Variants in MRTFB observed in about 807,000 individuals in gnomAD.
The protein encoded by MRTFB is myocardin related transcription factor B.
In MRTFB, 29 loss-of-function variants were observed where a neutral mutation model predicts 104.2. That is an observed-to-expected ratio of 0.28 (90% CI 0.21 to 0.38). MRTFB has a LOEUF of 0.38. MRTFB is among the 10% of genes least tolerant of loss of function. The pLI, the probability that MRTFB is intolerant of heterozygous loss-of-function variation, is 1.00. For missense variants in MRTFB, 1,270 were observed against 1,341.6 expected (o/e 0.95, Z 0.83); for synonymous variants, 535 against 519.5 (o/e 1.03, Z -0.41).
intron 2 of MRTFB, among the ~76,000 whole-genome samples, chr16:14,135,811 T>C (rs1258723791): frequency 6.6e-6 from 1 of 152,218 alleles, no homozygotes; most frequent in Non-Finnish European, 1.5e-5. Context: ...CCACTCTGTG[T>C]CATGCCCTCT....
chr16:14,062,966 C>T, the MRTFB span, among the ~76,000 whole-genome samples: 3 of 152,208 alleles, frequency 2.0e-5, no homozygotes, highest in South Asian at 6.2e-4. Flanking sequence ...GGGGTGCCTC[C>T]AGGTGACAGG....
At chr16:13,997,792 C>CAAAAAAAAAAAAAA in the MRTFB span, among the ~76,000 whole-genome samples, 1 of 90,766 alleles carries the variant, frequency 1.1e-5, no homozygotes, top group Non-Finnish European at 2.1e-5. Flanking sequence ...GACCCTATCT[C>CAAAAAAAAAAAAAA]AAAAAAAAAA....
the MRTFB span, among the ~76,000 whole-genome samples, chr16:14,045,398 C>G: frequency 6.6e-6 from 1 of 152,178 alleles, no homozygotes; most frequent in Admixed American, 6.5e-5. Flanking sequence ...TTTCTACACT[C>G]TCCACTCCAC....
the MRTFB span, among the ~76,000 whole-genome samples, chr16:14,018,279 G>T: frequency 1.3e-5 from 2 of 152,104 alleles, no homozygotes; most frequent in African/African-American, 4.8e-5. Context: ...CTGAGCTTCA[G>T]TTTCCCCAAT....
chr16:14,253,660 T>G (rs1212724080), intron 15 of MRTFB, among the ~76,000 whole-genome samples: 1 of 152,186 alleles, frequency 6.6e-6, no homozygotes, highest in African/African-American at 2.4e-5. Context: ...CTTGTCAGTT[T>G]GGCACCCTCA....
At chr16:14,151,446 G>C (rs1286737027) in intron 3 of MRTFB, 1 of 152,166 alleles carries the variant, frequency 6.6e-6, no homozygotes. Flanking sequence ...GTGGACCCAT[G>C]AAGTTCAAAG....
the MRTFB span, among the ~76,000 whole-genome samples, chr16:14,024,129 C>T: frequency 6.6e-6 from 1 of 152,088 alleles, no homozygotes. Context: ...TCAGCAATCA[C>T]ATTGCCGCCT....
intron 3 of MRTFB, chr16:14,152,135 A>T (rs2038644101): frequency 6.6e-6 from 1 of 152,176 alleles, no homozygotes; most frequent in Admixed American, 6.5e-5. Flanking sequence ...GTAATGTTTA[A>T]AGAGATTTTG....
At chr16:14,141,692 A>G (rs1441196552) in intron 3 of MRTFB, 2 of 152,142 alleles carry the variant, frequency 1.3e-5, no homozygotes, top group Admixed American at 1.3e-4. Context: ...TTATTTAGGA[A>G]AGTGGATTAA....
At chr16:14,250,126 A>G (rs1277523661) in intron 13 of MRTFB, among the ~76,000 whole-genome samples, 1 of 152,252 alleles carries the variant, frequency 6.6e-6, no homozygotes. Context: ...CTAAGTCTGT[A>G]AACACTAGAA....
At chr16:14,017,649 GTGTGTGTGTGTGTGTATT>G in the MRTFB span, among the ~76,000 whole-genome samples, 2 of 68,044 alleles carry the variant, frequency 2.9e-5, no homozygotes, top group Admixed American at 1.8e-4. Context: ...ATGTATATAT[GTGTGTGTGTGTGTGTATT>G]TGTGTGTGTG....
chr16:14,195,627 C>T (rs942526517), intron 3 of MRTFB: 7 of 926,646 alleles, frequency 7.6e-6, no homozygotes, highest in East Asian at 1.2e-4. Context: ...TTTCCTGTTT[C>T]GTTAATTGTT....
At chr16:14,082,630 A>G (rs2034476279) in intron 2 of MRTFB, among the ~76,000 whole-genome samples, 1 of 152,134 alleles carries the variant, frequency 6.6e-6, no homozygotes, top group Non-Finnish European at 1.5e-5. Context: ...AAAAATAAAA[A>G]TTAGCCAGGT....
chr16:14,148,476 A>G (rs960768017), intron 3 of MRTFB, among the ~76,000 whole-genome samples: 6 of 152,224 alleles, frequency 3.9e-5, no homozygotes, highest in Non-Finnish European at 8.8e-5. Flanking sequence ...TAAGACAGCA[A>G]TAATAAAGTA....
the MRTFB span, among the ~76,000 whole-genome samples, chr16:14,005,849 C>T: frequency 1.3e-5 from 2 of 152,148 alleles, no homozygotes; most frequent in African/African-American, 4.8e-5. Context: ...AATTATTTCA[C>T]AAAGAATTTC....
Position 14,261,206 on chromosome 16 carries a change from G to A in MRTFB, c.3062G>A (p.Ser1021Asn). ...LIEDLQNDLL[S>N]HSGMLDHSHS... ...GAGGACCTCCAGAATGATCTGCTGAGTCACTCAGGTATGCTGGACCATTCA... is the reference window on the plus strand; with the variant it reads ...GAGGACCTCCAGAATGATCTGCTGAATCACTCAGGTATGCTGGACCATTCA... Residue 1021 changes from serine to asparagine, a missense_variant, in exon 17 of 17, where the codon AGT (serine) becomes AAT (asparagine). Coordinates refer to ENST00000571589, the MANE Select transcript of MRTFB (RefSeq NM_001308142.2). 6.2e-7 allele frequency: 1 copy of A among 1,614,194 alleles called. No individual in the cohort carries two copies. The highest frequency in any genetic ancestry group is 1.1e-5 in the South Asian group (1 of 91,074).
chr16:14,112,686 C>G (rs943105893), intron 2 of MRTFB, among the ~76,000 whole-genome samples: 5 of 152,206 alleles, frequency 3.3e-5, no homozygotes, highest in Non-Finnish European at 5.9e-5. Context: ...GTTTCTGCTC[C>G]AGGCACTGGC....
rs773268306 is a variant in MRTFB, at chr16:14,252,406, C to T, written c.2607C>T (p.His869=). 3 of 1,613,880 alleles carry T rather than the reference C, an allele frequency of 1.9e-6. No homozygotes were observed. The highest frequency in any genetic ancestry group is 1.7e-6 in the Non-Finnish European group (2 of 1,179,978). Reference sequence around the variant, plus strand: ...CACCCCAGCAATTTGTCGTCCAGCACTCTCTATTTGGGAGTCCAGTCGCCA... The same window carrying T: ...CACCCCAGCAATTTGTCGTCCAGCATTCTCTATTTGGGAGTCCAGTCGCCA... The part of the protein sequence containing the change: ...PPPPQQFVVQ[H]SLFGSPVAKT... Residue 869 remains histidine (H), a synonymous_variant, in exon 15 of 17, where the codon CAC becomes CAT. Transcript: ENST00000571589.
chr16:14,060,429 T>C, the MRTFB span, among the ~76,000 whole-genome samples: 1 of 152,188 alleles, frequency 6.6e-6, no homozygotes, highest in Non-Finnish European at 1.5e-5. Flanking sequence ...TCAAGCTTTA[T>C]AGTTCATAAA....
Sources: gnomAD v4.1 joint callset for allele counts (sites outside exome capture counted in the v4.1 genomes callset) on GRCh38, gnomAD v4.1.1 for gene constraint, MANE v1.5 for transcripts, NCBI Gene and HGNC (gene_info 2026-07-23, HGNC 2026-07-21) for gene names.